The following CDH12 variants were observed in gnomAD, a reference collection of about 807,000 sequenced individuals.
The protein encoded by CDH12 is cadherin-12.
CDH12 carries 41 observed loss-of-function variants against 74.1 expected under a neutral mutation model. The observed-to-expected ratio is 0.55, with a 90% CI of 0.43 to 0.72. The LOEUF is 0.72. Ranked by LOEUF, CDH12 falls within the 30% of genes least tolerant of loss-of-function variation. The probability of loss-of-function intolerance (pLI) is 0.00; values close to 1 mark genes in which losing one functional copy is unlikely to be tolerated. For missense variants in CDH12, 945 were observed against 977.2 expected (o/e 0.97, Z 0.44); for synonymous variants, 399 against 355.0 (o/e 1.12, Z -1.39).
chr5:21,928,145 T>C (rs1465391655), intron 6 of CDH12, among the ~76,000 whole-genome samples: 1 of 151,938 alleles, frequency 6.6e-6, no homozygotes, highest in African/African-American at 2.4e-5. Context: ...CATTTGACTA[T>C]GACTATGATC....
At chr5:21,940,912 G>GA (rs914630514) in intron 6 of CDH12, among the ~76,000 whole-genome samples, 5 of 151,210 alleles carry the variant, frequency 3.3e-5, no homozygotes, top group Non-Finnish European at 5.9e-5. Flanking sequence ...TCACAAAAAG[G>GA]AAAAAATCAT....
chr5:22,026,197 C>A (rs145973522), intron 5 of CDH12, among the ~76,000 whole-genome samples: 329 of 152,230 alleles, frequency 2.2e-3, no homozygotes, highest in Non-Finnish European at 3.5e-3. Flanking sequence ...AGTGAGGGAA[C>A]AGGAATGATT....
chr5:22,045,888 C>G (rs1270510240), intron 5 of CDH12, among the ~76,000 whole-genome samples: 14 of 152,000 alleles, frequency 9.2e-5, no homozygotes, highest in African/African-American at 2.9e-4. Context: ...AGTATGGTGA[C>G]TATATTAAAA....
At chr5:21,847,824 C>T (rs116621606) in intron 7 of CDH12, among the ~76,000 whole-genome samples, 2,069 of 152,186 alleles carry the variant, frequency 0.014, 30 homozygotes, top group Non-Finnish European at 0.02. Flanking sequence ...CTCTAACATT[C>T]TCTCCTTAGT....
chr5:22,216,207 G>T (rs1245557607), intron 3 of CDH12, among the ~76,000 whole-genome samples: 2 of 151,908 alleles, frequency 1.3e-5, no homozygotes, highest in African/African-American at 4.8e-5. Context: ...ATTTACTTAG[G>T]TTTGTTCCAA....
intron 8 of CDH12, among the ~76,000 whole-genome samples, chr5:21,833,301 T>TTATATGTTATATAACATATAATATA (rs1561225707): frequency 1.9e-5 from 1 of 52,060 alleles, no homozygotes; most frequent in Admixed American, 3.2e-4. Context: ...ATAATATATA[T>TTATATGTTATATAACATATAATATA]TATATGTTAT....
intron 8 of CDH12, among the ~76,000 whole-genome samples, chr5:21,817,633 C>T (rs1171260196): frequency 6.6e-6 from 1 of 151,788 alleles, no homozygotes; most frequent in Non-Finnish European, 1.5e-5. Flanking sequence ...CATCATTAAA[C>T]TAAAAATAAC....
Position 22,405,225 on chromosome 5 carries a change from A to G in CDH12, c.-333+32T>C, listed in dbSNP as rs752637391. On this transcript the variant is annotated intron_variant, in intron 3 of 14. Transcript: ENST00000382254. The stretch of plus-strand genomic sequence containing the variant: ...ACTGTCTTTAAAAAAAATAAAAAAT[A>G]AAGAAAAAATCATAACAATCAATTT... 313 of 625,130 alleles carry G rather than the reference A, an allele frequency of 5.0e-4. 1 individual carries two copies. The highest frequency in any genetic ancestry group is 6.1e-4 in the Non-Finnish European group (303 of 500,804). 38.7% of individuals were successfully genotyped at this position (625,130 alleles called of 1,614,324 possible). A position where few individuals can be genotyped will look rare whatever the true frequency, so the allele number is the denominator to read the frequency against.
At chr5:22,358,824 T>C (rs565550868) in intron 3 of CDH12, among the ~76,000 whole-genome samples, 5 of 152,232 alleles carry the variant, frequency 3.3e-5, no homozygotes, top group Non-Finnish European at 7.3e-5. Context: ...TCACATTGAT[T>C]GATTCACTAA....
chr5:21,788,573 G>A (rs1265357558), intron 10 of CDH12, among the ~76,000 whole-genome samples: 2 of 152,038 alleles, frequency 1.3e-5, no homozygotes, highest in African/African-American at 4.8e-5. Context: ...CAACTGAGAG[G>A]AATCACTGGT....
chr5:22,758,961 T>G (rs1367503962), intron 1 of CDH12, among the ~76,000 whole-genome samples: 1 of 152,194 alleles, frequency 6.6e-6, no homozygotes, highest in Non-Finnish European at 1.5e-5. Context: ...GTCTTATCCC[T>G]ATGACTTGCT....
At chr5:22,176,114 T>G (rs1439441199) in intron 4 of CDH12, among the ~76,000 whole-genome samples, 3 of 152,114 alleles carry the variant, frequency 2.0e-5, no homozygotes, top group Non-Finnish European at 4.4e-5. Flanking sequence ...GTATACATTA[T>G]CTTCAAACAA....
chr5:22,452,419 CATTTACAGTCAAATGAT>C (rs1745079709), intron 2 of CDH12, among the ~76,000 whole-genome samples: 1 of 151,916 alleles, frequency 6.6e-6, no homozygotes. Context: ...TATATTTACA[CATTTACAGTCAAATGAT>C]TTTTGACAAA....
At chr5:22,086,299 A>G (rs1743063136) in intron 4 of CDH12, among the ~76,000 whole-genome samples, 1 of 151,918 alleles carries the variant, frequency 6.6e-6, no homozygotes, top group Non-Finnish European at 1.5e-5. Flanking sequence ...TAGGAAGCCA[A>G]AATATGCTAT....
At chr5:22,488,205 G>A (rs1172439932) in intron 2 of CDH12, among the ~76,000 whole-genome samples, 5 of 152,118 alleles carry the variant, frequency 3.3e-5, no homozygotes, top group Admixed American at 6.5e-5. Context: ...GCCAATATTC[G>A]TTGTCTGCTT....
chr5:22,173,337 TA>T (rs1749146892), intron 4 of CDH12, among the ~76,000 whole-genome samples: 1 of 146,806 alleles, frequency 6.8e-6, no homozygotes, highest in Non-Finnish European at 1.5e-5. Flanking sequence ...ATAATTTATA[TA>T]ATATAATTTA....
At chr5:21,795,133 C>T (rs1746707819) in intron 10 of CDH12, among the ~76,000 whole-genome samples, 1 of 151,414 alleles carries the variant, frequency 6.6e-6, no homozygotes, top group African/African-American at 2.4e-5. Flanking sequence ...TTCTCAAAAT[C>T]ATCAAAGAAG....
intron 4 of CDH12, among the ~76,000 whole-genome samples, chr5:22,113,214 C>T (rs1158212880): frequency 6.6e-6 from 1 of 152,074 alleles, no homozygotes; most frequent in Non-Finnish European, 1.5e-5. Flanking sequence ...TGTTTCTTTG[C>T]CATATCTTGA....
intron 3 of CDH12, among the ~76,000 whole-genome samples, chr5:22,392,922 A>T (rs1484543323): frequency 6.6e-6 from 1 of 151,922 alleles, no homozygotes; most frequent in Non-Finnish European, 1.5e-5. Context: ...TTAGGAAGAG[A>T]TTTTTCACTG....
Sources: gnomAD v4.1 joint callset for allele counts (sites outside exome capture counted in the v4.1 genomes callset) on GRCh38, gnomAD v4.1.1 for gene constraint, MANE v1.5 for transcripts, NCBI Gene and HGNC (gene_info 2026-07-23, HGNC 2026-07-21) for gene names.